The following COL6A6 variants were observed in gnomAD, a reference collection of about 807,000 sequenced individuals.
COL6A6 encodes collagen type VI alpha 6 chain, also known as collagen alpha-6(VI) chain.
COL6A6 carries 183 observed loss-of-function variants against 208.6 expected under a neutral mutation model. The observed-to-expected ratio is 0.88, with a 90% CI of 0.78 to 0.99. COL6A6 has a LOEUF of 0.99. Among genes scored for constraint, COL6A6 ranks in the 50% least tolerant of loss-of-function variants. The pLI, the probability that COL6A6 is intolerant of heterozygous loss-of-function variation, is 0.00. For synonymous variants in COL6A6, 973 were observed against 1,011.8 expected (o/e 0.96, Z 0.73); for missense variants, 2,816 against 2,815.2 (o/e 1.00, Z -0.01).
Position 130,565,175 on chromosome 3 carries a change from T to C in COL6A6, c.843T>C (p.Asn281=), listed in dbSNP as rs371407472. The C allele has an allele frequency of 5.6e-6, 9 of 1,613,840 alleles. No homozygotes were observed. The highest frequency in any genetic ancestry group is 7.6e-6 in the Non-Finnish European group (9 of 1,179,852). The change falls in exon 4 of 37, where the codon AAT becomes AAC. Residue 281 remains asparagine (N), a synonymous_variant. Transcript: ENST00000358511. The stretch of plus-strand genomic sequence containing the variant: ...ATAGCAATGAGACAAAAGTGATAAA[T>C]TCACTGAGCATGGGCATAAATAAGT... ...VAYSNETKVI[N]SLSMGINKSE...
rs1422712537 is a variant in COL6A6 at position 130,517,358 on chromosome 3, C to T, written c.-71C>T. ...CCAGAGGAAATCCGCCCCGGGCTTT[C>T]GAAGTGCAGGGCTGGGGGCTGCATG... On this transcript the variant is annotated 5_prime_UTR_variant, in exon 1 of 37. Coordinates refer to ENST00000358511, the MANE Select transcript of COL6A6 (RefSeq NM_001102608.3). 1.3e-5 allele frequency among the ~76,000 whole-genome samples: 2 copies of T among 152,242 alleles called. No homozygotes were observed. Among genetic ancestry groups the T allele is most frequent in the Non-Finnish European group, 2.9e-5 (2 of 68,044 alleles).
Position 130,565,195 on chromosome 3 carries a change from A to G in COL6A6, c.863A>G (p.Asn288Ser), listed in dbSNP as rs1164073360. The change falls in exon 4 of 37, where the codon AAT (asparagine) becomes AGT (serine). Residue 288 changes from asparagine to serine, a missense_variant. By Grantham distance (46) the Asn-to-Ser change is conservative (BLOSUM62 1). Transcript: ENST00000358511. ...ATAAATTCACTGAGCATGGGCATAA[A>G]TAAGTCAGAGGTTCTCCAGCATATA... ...KVINSLSMGINKSEVLQHIQN... is the reference protein window; with the variant it reads ...KVINSLSMGISKSEVLQHIQN... 5.6e-6 allele frequency: 9 copies of G among 1,613,920 alleles called. No individual in the cohort carries two copies. The Admixed American group carries it at 1.0e-4, about 18-fold the overall frequency.
In COL6A6 at chr3:130,643,023, C is replaced by T. The variant is rs1224103445; in HGVS notation, c.5227C>T (p.Pro1743Ser). ...ELIQYVRDRS[P>S]GRHGKPECPV... ...CATTCAGTATGTGCGAGACCGCAGT[C>T]GTAAGTACCCTGCTTAAAATGATCA... Residue 1743 changes from proline to serine, a missense_variant and splice_region_variant, in exon 31 of 37, where the codon CCT becomes TCT. By Grantham distance (74) the Pro-to-Ser change is moderately conservative. Transcript: ENST00000358511. 5 of 1,612,982 alleles carry T rather than the reference C, an allele frequency of 3.1e-6. No individual in the cohort carries two copies. Among genetic ancestry groups the T allele is most frequent in the East Asian group, 2.2e-5 (1 of 44,858 alleles).
chr3:130,573,855 C>T, intron 7 of COL6A6, 101 bp from the exon 8 acceptor site: 1 of 813,862 alleles, frequency 1.2e-6, no homozygotes, highest in South Asian at 1.8e-5. Context: ...AGGAGTGAGC[C>T]ACCGCGCCCG....
Position 130,649,185 on chromosome 3 carries a change from G to C in COL6A6, c.5356G>C (p.Asp1786His). Residue 1786 changes from aspartate (D) to histidine (H), a missense_variant, in exon 33 of 37, where the codon GAC becomes CAC. Asp to His is a moderately conservative substitution (Grantham distance 81). Coordinates refer to ENST00000358511, the MANE Select transcript of COL6A6 (RefSeq NM_001102608.3). ...MKEMMAFLVRDIKVRENSCPV... is the reference protein window; with the variant it reads ...MKEMMAFLVRHIKVRENSCPV... ...GGAGATGATGGCTTTCCTGGTGAGA[G>C]ACATTAAGGTCCGGGAGAACAGCTG... The C allele has an allele frequency of 1.3e-6, 2 of 1,595,508 alleles. No individual in the cohort carries two copies. Among genetic ancestry groups the C allele is most frequent in the Non-Finnish European group, 1.7e-6 (2 of 1,170,806 alleles).
At chr3:130,558,928 G>A (rs1280803339) in intron 1 of COL6A6, among the ~76,000 whole-genome samples, 1 of 152,184 alleles carries the variant, frequency 6.6e-6, no homozygotes. Flanking sequence ...TCAGGCAGAT[G>A]TGGGTTCTAG....
Position 130,665,010 on chromosome 3 carries a change from C to G in COL6A6, c.6510C>G (p.Ile2170Met). The G allele has an allele frequency of 6.3e-7, 1 of 1,595,768 alleles. No homozygotes were observed. Among genetic ancestry groups the G allele is most frequent in the Non-Finnish European group, 8.6e-7 (1 of 1,168,440 alleles). ...CAGACTTTTCTCTTCTAGGTGCAAT[C>G]AACAAATATCCACCAATAAACTTAA... ...KSFINSIRRA[I>M]NKYPPINLKI... The change falls in exon 36 of 37, where the codon ATC becomes ATG. Residue 2170 changes from isoleucine (I) to methionine (M), a missense_variant. Physicochemically the swap from Ile to Met is conservative, Grantham distance 10. Transcript: ENST00000358511.
At chr3:130,551,627 T>C (rs2062643235) in intron 1 of COL6A6, among the ~76,000 whole-genome samples, 1 of 146,268 alleles carries the variant, frequency 6.8e-6, no homozygotes, top group Non-Finnish European at 1.5e-5. Flanking sequence ...TGTTGATCTT[T>C]TGGGTTTTTT....
Position 130,539,850 on chromosome 3 carries a change from CT to C in COL6A6, c.-31-20483del, listed in dbSNP as rs375624285. Among the ~76,000 whole-genome samples, 76 of 152,314 alleles carry C rather than the reference CT, an allele frequency of 5.0e-4. No homozygotes were observed. The East Asian group carries it at 0.014, about 28-fold the overall frequency. On this transcript the variant is annotated intron_variant, in intron 1 of 36. Coordinates refer to ENST00000358511, the MANE Select transcript of COL6A6 (RefSeq NM_001102608.3). ...TACCTGCTGTCAGCATTTAAATGAA[CT>C]GGAGGCTTAATTGCCTGATCTCTTT...
intron 22 of COL6A6, 68 bp downstream of exon 22, chr3:130,609,032 C>A: frequency 2.5e-6 from 3 of 1,176,860 alleles, no homozygotes; most frequent in Non-Finnish European, 3.8e-6. Flanking sequence ...AATCTGAGGA[C>A]CTGATAGAAA....
intron 1 of COL6A6, among the ~76,000 whole-genome samples, chr3:130,534,170 C>A (rs571156089): frequency 4.6e-5 from 7 of 152,182 alleles, no homozygotes; most frequent in African/African-American, 1.7e-4. Context: ...TCCCTACATC[C>A]TTGTCAACTT....
rs1560064085 is a variant in COL6A6 at position 130,610,725 on chromosome 3, A to G, written c.4815+14A>G. The G allele has an allele frequency of 6.4e-7, 1 of 1,555,630 alleles. No homozygotes were observed. ...AAAGGTCCCCAGGTATGTAATGAGA[A>G]AAATGATTGCATCTGACTTTGATCT... is the stretch of plus-strand genomic sequence containing the variant. On this transcript the variant is annotated intron_variant, in intron 23 of 36. Coordinates refer to ENST00000358511, the MANE Select transcript of COL6A6 (RefSeq NM_001102608.3).
intron 10 of COL6A6, among the ~76,000 whole-genome samples, chr3:130,585,442 T>C (rs1323712557): frequency 6.6e-6 from 1 of 152,198 alleles, no homozygotes; most frequent in Non-Finnish European, 1.5e-5. Context: ...AGATAATGCA[T>C]GTAAAGCACT....
At position 130,662,253 on chromosome 3, in the gene COL6A6, A is replaced by T; in HGVS notation, c.6447A>T (p.Lys2149Asn). Residue 2149 changes from lysine to asparagine, a missense_variant, in exon 35 of 37, where the codon AAA becomes AAT. Coordinates refer to ENST00000358511, the MANE Select transcript of COL6A6 (RefSeq NM_001102608.3). ...TGGTCCAGCTTGGCCGAATTCATAA[A>T]CCTGACCACAGTTATGGTGTGAAGT... Reference protein sequence around the residue: ...HHLVQLGRIHKPDHSYGVKFV... With the variant: ...HHLVQLGRIHNPDHSYGVKFV... 1 of 1,613,978 alleles carries T rather than the reference A, an allele frequency of 6.2e-7. No homozygotes were observed.
chr3:130,543,125 C>G (rs574227416), intron 1 of COL6A6, among the ~76,000 whole-genome samples: 7 of 152,006 alleles, frequency 4.6e-5, no homozygotes, highest in Non-Finnish European at 8.8e-5. Context: ...AGGATGGTCT[C>G]GATGTCCTGA....
intron 21 of COL6A6, among the ~76,000 whole-genome samples, chr3:130,607,505 T>C (rs529409868): frequency 5.3e-5 from 8 of 152,274 alleles, no homozygotes; most frequent in African/African-American, 1.9e-4. Context: ...ACACACATCC[T>C]CAGATTAAAA....
intron 3 of COL6A6, 132 bp downstream of exon 3, chr3:130,563,796 G>A (rs1022692632): frequency 2.3e-4 from 146 of 625,990 alleles, no homozygotes; most frequent in Admixed American, 1.5e-4. Flanking sequence ...TGTACCCATC[G>A]TTTAAGAGAG....
intron 35 of COL6A6, among the ~76,000 whole-genome samples, chr3:130,664,753 G>A (rs778165734): frequency 1.5e-4 from 23 of 152,118 alleles, no homozygotes; most frequent in Non-Finnish European, 2.4e-4. Flanking sequence ...TGGTTGACCC[G>A]CTTTAGCAGC....
Position 130,573,945 on chromosome 3 carries a change from C to G in COL6A6, c.2978-11C>G. The stretch of plus-strand genomic sequence containing the variant: ...ATCTGGGTTTTCTGTTGTTCCTTCT[C>G]TTCTTTGTAGATTGTGAAATTGACA... On this transcript the variant is annotated splice_polypyrimidine_tract_variant and intron_variant, in intron 7 of 36. Coordinates refer to ENST00000358511, the MANE Select transcript of COL6A6 (RefSeq NM_001102608.3). 1 of 1,569,086 alleles carries G rather than the reference C, an allele frequency of 6.4e-7. No homozygotes were observed. Among genetic ancestry groups the G allele is most frequent in the Non-Finnish European group, 8.8e-7 (1 of 1,141,620 alleles).
Sources: gnomAD v4.1 joint callset for allele counts (sites outside exome capture counted in the v4.1 genomes callset) on GRCh38, gnomAD v4.1.1 for gene constraint, MANE v1.5 for transcripts, NCBI Gene and HGNC (gene_info 2026-07-23, HGNC 2026-07-21) for gene names.